KIF1A: variants seen among roughly 807,000 people sequenced by gnomAD.
The protein encoded by KIF1A is kinesin-like protein KIF1A.
Under a neutral mutation model 227.3 loss-of-function variants are expected in KIF1A, and 46 were observed. The observed-to-expected ratio is 0.20, with a 90% CI of 0.16 to 0.26. KIF1A has a LOEUF of 0.26. KIF1A is among the 10% of genes least tolerant of loss of function. KIF1A has a pLI of 1.00. For synonymous variants in KIF1A, 1,022 were observed against 1,012.8 expected (o/e 1.01, Z -0.17); for missense variants, 1,683 against 2,485.9 (o/e 0.68, Z 6.87).
At position 240,763,057 on chromosome 2, in the gene KIF1A, G is replaced by A. The variant is rs1318139968; in HGVS notation, c.1984C>T (p.Arg662Trp). ...TCCAGCAGGTAGGTGGCCTCCTCCC[G>A]CTCGCGGCGGTACTGGTCCTCCAGT... is the stretch of plus-strand genomic sequence containing the variant. ...QELEDQYRREREEATYLLEQQ... is the reference protein window; with the variant it reads ...QELEDQYRREWEEATYLLEQQ... The change falls in exon 22 of 49, where the codon CGG becomes TGG. Residue 662 changes from arginine to tryptophan, a missense_variant. Transcript: ENST00000498729. 2.6e-6 allele frequency: 4 copies of A among 1,545,854 alleles called. No homozygotes were observed. Among genetic ancestry groups the A allele is most frequent in the Non-Finnish European group, 2.6e-6 (3 of 1,147,802 alleles).
At position 240,757,750 on chromosome 2, in the gene KIF1A, T is replaced by C. The variant is rs1436463084; in HGVS notation, c.2583-156A>G. The stretch of plus-strand genomic sequence containing the variant: ...CTTTAAAAGATGAGAGAACCAAAAC[T>C]GTGCCCCCAGGCTTGGAAAGAAATC... On this transcript the variant is annotated intron_variant, in intron 26 of 48. Transcript: ENST00000498729. The surrounding 1 kb of genome is among the most constrained non-coding windows in gnomAD (Gnocchi z 6.2). Among the ~76,000 whole-genome samples the C allele has an allele frequency of 6.6e-6, 1 of 151,536 alleles. No homozygotes were observed. The highest frequency in any genetic ancestry group is 1.5e-5 in the Non-Finnish European group (1 of 67,908).
chr2:240,721,678 C>T (rs151180875), intron 44 of KIF1A, 129 bp downstream of exon 44: 10 of 769,108 alleles, frequency 1.3e-5, no homozygotes, highest in Non-Finnish European at 2.2e-5. Context: ...TGTCCCTCTG[C>T]ACTGAGACGT....
In KIF1A at chr2:240,752,604, G is replaced by A. The variant is rs1230415989; in HGVS notation, c.2859-2057C>T. On this transcript the variant is annotated intron_variant, in intron 27 of 48. Transcript: ENST00000498729. This position sits in a 1 kb window ranked among gnomAD's most constrained non-coding sequence, Gnocchi z 6.4. ...CCGCCAGACAGCACGGCTCTTCCCC[G>A]TGGCTGGCGCACCACACTGGGGGAG... is the stretch of plus-strand genomic sequence containing the variant. Among the ~76,000 whole-genome samples the A allele has an allele frequency of 6.6e-6, 1 of 152,096 alleles. No homozygotes were observed. The highest frequency in any genetic ancestry group is 2.4e-5 in the African/African-American group (1 of 41,408).
intron 27 of KIF1A, among the ~76,000 whole-genome samples, chr2:240,756,507 C>T (rs560373755): frequency 2.2e-4 from 34 of 152,348 alleles, no homozygotes; most frequent in African/African-American, 7.7e-4. Flanking sequence ...CCAACCGTGG[C>T]TTCTCATCCA....
chr2:240,729,214 G>A (rs918125315), intron 38 of KIF1A, among the ~76,000 whole-genome samples: 1 of 150,608 alleles, frequency 6.6e-6, no homozygotes, highest in African/African-American at 2.5e-5. Context: ...CTCTCCTGCT[G>A]GGCCCAAGCA....
At chr2:240,773,939 C>T (rs1271973472) in intron 12 of KIF1A, among the ~76,000 whole-genome samples, 1 of 152,176 alleles carries the variant, frequency 6.6e-6, no homozygotes, top group Admixed American at 6.5e-5. Flanking sequence ...CAGTCTGGTG[C>T]CACGGGGCCC....
chr2:240,761,394 C>T lies in KIF1A; in HGVS notation c.2117-17G>A, dbSNP rs1417612886. On this transcript the variant is annotated splice_polypyrimidine_tract_variant and intron_variant, in intron 23 of 48. Transcript: ENST00000498729. ...TCCACTGGACTGTGGGGAGAGGTCA[C>T]ACGTGGTCATCGCAGGAAGGCCATG... 2 of 1,571,624 alleles carry T rather than the reference C, an allele frequency of 1.3e-6. No homozygotes were observed. The highest frequency in any genetic ancestry group is 1.7e-6 in the Non-Finnish European group (2 of 1,153,830).
intron 10 of KIF1A, among the ~76,000 whole-genome samples, chr2:240,782,323 G>GCCC (rs2054156480): frequency 1.3e-5 from 2 of 151,974 alleles, no homozygotes; most frequent in African/African-American, 4.8e-5. Flanking sequence ...CGCCCCCCGG[G>GCCC]CCACACTTTC....
Position 240,789,101 on chromosome 2 carries a change from C to A in KIF1A, c.183+135G>T. The A allele has an allele frequency of 1.4e-6, 1 of 701,478 alleles. No homozygotes were observed. Among genetic ancestry groups the A allele is most frequent in the Non-Finnish European group, 2.5e-6 (1 of 402,886 alleles). 43.5% of individuals were successfully genotyped at this position (701,478 alleles called of 1,614,324 possible). ...TTCGCTGAGGACCGCTCAGGGTGAC[C>A]TTCCAGGGGAGCAGGGTGGGGTCCT... On this transcript the variant is annotated intron_variant, in intron 3 of 48. Transcript: ENST00000498729. This position sits in a 1 kb window ranked among gnomAD's most constrained non-coding sequence, Gnocchi z 4.8.
At chr2:240,747,811 G>A (rs1385075222) in intron 28 of KIF1A, among the ~76,000 whole-genome samples, 1 of 152,118 alleles carries the variant, frequency 6.6e-6, no homozygotes, top group Non-Finnish European at 1.5e-5. Flanking sequence ...CGGTGCATGC[G>A]CCCACACTCC....
intron 28 of KIF1A, 118 bp from the exon 29 acceptor site, chr2:240,747,439 G>T: frequency 2.8e-6 from 2 of 703,438 alleles, no homozygotes; most frequent in Non-Finnish European, 4.8e-6. Flanking sequence ...AGAGCAGGCA[G>T]CAGACCCCTG....
Position 240,788,742 on chromosome 2 carries a change from A to T in KIF1A, c.183+494T>A, listed in dbSNP as rs1454065145. Among the ~76,000 whole-genome samples, 3 of 151,914 alleles carry T rather than the reference A, an allele frequency of 2.0e-5. No individual in the cohort carries two copies. Among genetic ancestry groups the T allele is most frequent in the East Asian group, 3.9e-4 (2 of 5,174 alleles). ...AGAAGCGGGGAGCCCTGGGGCTGTT[A>T]TGGGGGGCAGGTGCTCAGAGATATA... On this transcript the variant is annotated intron_variant, in intron 3 of 48. Coordinates refer to ENST00000498729, the MANE Select transcript of KIF1A (RefSeq NM_001244008.2). This position sits in a 1 kb window ranked among gnomAD's most constrained non-coding sequence, Gnocchi z 6.6.
chr2:240,733,717 T>C (rs2047011890), intron 38 of KIF1A, among the ~76,000 whole-genome samples: 1 of 152,210 alleles, frequency 6.6e-6, no homozygotes, highest in Non-Finnish European at 1.5e-5. Context: ...GCCCTGGGGC[T>C]CTGTGCCAGG....
chr2:240,749,777 G>C (rs891897836), intron 28 of KIF1A, among the ~76,000 whole-genome samples: 1 of 152,218 alleles, frequency 6.6e-6, no homozygotes, highest in Non-Finnish European at 1.5e-5. Context: ...CTGGCCATCC[G>C]GAGCAGGCTG....
At chr2:240,810,385 C>T (rs983573098) in intron 1 of KIF1A, among the ~76,000 whole-genome samples, 1 of 152,164 alleles carries the variant, frequency 6.6e-6, no homozygotes. Flanking sequence ...TATTTTCAAA[C>T]TGTATCCACC....
intron 23 of KIF1A, 135 bp from the exon 24 acceptor site, chr2:240,761,512 C>T (rs75122975): frequency 4.0e-5 from 29 of 726,760 alleles, no homozygotes; most frequent in East Asian, 2.8e-4. Context: ...GTGTACATCA[C>T]GGCCGGGTGG....
intron 8 of KIF1A, among the ~76,000 whole-genome samples, 187 bp downstream of exon 8, chr2:240,783,552 C>T (rs1463350234): frequency 6.6e-6 from 1 of 152,180 alleles, no homozygotes; most frequent in African/African-American, 2.4e-5. Context: ...GTGTGCCCAG[C>T]GCTGGTGCCC....
chr2:240,723,311 C>T lies in KIF1A; in HGVS notation c.4464+102G>A, dbSNP rs2045626896. On this transcript the variant is annotated intron_variant, in intron 42 of 48. Coordinates refer to ENST00000498729, the MANE Select transcript of KIF1A (RefSeq NM_001244008.2). ...TGTGACTCCCAAGCAGCTGTGCTGC[C>T]CCCCAGTAGGCACCAGGCCCTGGGC... 1.6e-5 allele frequency: 19 copies of T among 1,190,154 alleles called. No homozygotes were observed. The South Asian group carries it at 3.0e-4, about 19-fold the overall frequency. The allele number at this position is 1,190,154 out of a possible 1,614,324, so 73.7% of individuals were successfully genotyped here. A position where few individuals can be genotyped will look rare whatever the true frequency, so the allele number is the denominator to read the frequency against.
chr2:240,798,512 C>T (rs1575655815), intron 1 of KIF1A, among the ~76,000 whole-genome samples: 1 of 152,246 alleles, frequency 6.6e-6, no homozygotes, highest in Non-Finnish European at 1.5e-5. Context: ...GGGGGACCAG[C>T]TTCGGCCTGG....
Sources: allele counts gnomAD v4.1 joint callset (sites outside exome capture counted in the v4.1 genomes callset), GRCh38; gene constraint gnomAD v4.1.1; non-coding constraint Gnocchi (gnomAD v3.1); transcripts MANE v1.5; gene names NCBI Gene and HGNC (gene_info 2026-07-23, HGNC 2026-07-21).